The following HSD17B11 variants were observed in gnomAD, a reference collection of about 807,000 sequenced individuals.
HSD17B11 encodes hydroxysteroid 17-beta dehydrogenase 11.
A neutral mutation model predicts 27.8 loss-of-function variants in HSD17B11; 22 were observed. That is an observed-to-expected ratio of 0.79 (90% CI 0.56 to 1.13). The LOEUF is 1.13. Ranked by LOEUF, HSD17B11 falls within the 50% of genes most tolerant of loss-of-function variation. The pLI is 0.00. For missense variants in HSD17B11, 314 were observed against 351.1 expected (o/e 0.89, Z 0.84); for synonymous variants, 117 against 132.8 (o/e 0.88, Z 0.82).
intron 1 of HSD17B11, among the ~76,000 whole-genome samples, chr4:87,389,750 G>T (rs775867386): frequency 6.6e-6 from 1 of 152,044 alleles, no homozygotes; most frequent in South Asian, 2.1e-4. Flanking sequence ...TAATGTTTCA[G>T]GCCATCAGGT....
rs767346902 is a variant in HSD17B11, at chr4:87,357,296, G to A, written c.678C>T (p.Ile226=). The change falls in exon 5 of 7, where the codon ATC becomes ATT. Residue 226 remains isoleucine (I), a synonymous_variant. Transcript: ENST00000358290. ...LCPNFVNTGF[I]KNPSTSLGPT... ...CAACTTACCTTGTACTTGGATTTTTGATGAAGCCAGTGTTTACGAAATTAG... is the reference window on the plus strand; with the variant it reads ...CAACTTACCTTGTACTTGGATTTTTAATGAAGCCAGTGTTTACGAAATTAG... The A allele has an allele frequency of 7.4e-6, 12 of 1,611,170 alleles. No homozygotes were observed. In the Admixed American group the frequency reaches 2.0e-4, roughly 27 times the overall value.
intron 2 of HSD17B11, among the ~76,000 whole-genome samples, chr4:87,381,577 G>A (rs1720168827): frequency 6.6e-6 from 1 of 151,768 alleles, no homozygotes; most frequent in South Asian, 2.1e-4. Flanking sequence ...GGGCAACATG[G>A]TGAGACCCCG....
At chr4:87,378,955 TATA>T (rs1720049835) in intron 2 of HSD17B11, among the ~76,000 whole-genome samples, 1 of 29,536 alleles carries the variant, frequency 3.4e-5, no homozygotes, top group Non-Finnish European at 5.6e-5. Flanking sequence ...TATTTATATA[TATA>T]TATTTTTTTT....
chr4:87,364,689 A>G (rs1041242836), intron 4 of HSD17B11, among the ~76,000 whole-genome samples: 1 of 152,206 alleles, frequency 6.6e-6, no homozygotes, highest in Non-Finnish European at 1.5e-5. Flanking sequence ...AAAGCACTGC[A>G]TTGTCTTCTC....
At chr4:87,342,848 G>A (rs1735195200) in intron 5 of HSD17B11, among the ~76,000 whole-genome samples, 1 of 152,130 alleles carries the variant, frequency 6.6e-6, no homozygotes, top group Non-Finnish European at 1.5e-5. Context: ...TAATGAAATC[G>A]ATGGCTTTTG....
At chr4:87,377,490 G>A (rs1215229574) in intron 2 of HSD17B11, among the ~76,000 whole-genome samples, 2 of 152,004 alleles carry the variant, frequency 1.3e-5, no homozygotes, top group Non-Finnish European at 2.9e-5. Flanking sequence ...ACCATTACAG[G>A]TAATGTAACT....
chr4:87,382,081 T>G (rs867099643), intron 2 of HSD17B11, among the ~76,000 whole-genome samples, 174 bp downstream of exon 2: 3 of 152,204 alleles, frequency 2.0e-5, no homozygotes, highest in Non-Finnish European at 4.4e-5. Flanking sequence ...TACTAATATT[T>G]GAGAGGTTCA....
chr4:87,374,988 G>T (rs983392992), intron 2 of HSD17B11, among the ~76,000 whole-genome samples, 158 bp from the exon 3 acceptor site: 2 of 151,906 alleles, frequency 1.3e-5, no homozygotes, highest in African/African-American at 4.8e-5. Flanking sequence ...CCACCTCCCG[G>T]GTTCAAGAGA....
chr4:87,340,538 T>A lies in HSD17B11; in HGVS notation c.764A>T (p.Lys255Met). 6.2e-7 allele frequency: 1 copy of A among 1,611,160 alleles called. No homozygotes were observed. Among genetic ancestry groups the A allele is most frequent in the South Asian group, 1.1e-5 (1 of 90,348 alleles). ...RLMHGILTEQ[K>M]MIFIPSSIAF... The stretch of plus-strand genomic sequence containing the variant: ...TATAGAAGATGGAATAAAAATCATC[T>A]TCTGCTCAGTCAGAATCCCATGCAT... Residue 255 changes from lysine (K) to methionine (M), a missense_variant, in exon 6 of 7, where the codon AAG (lysine) becomes ATG (methionine). Lys to Met is a moderately conservative substitution (Grantham distance 95, BLOSUM62 -1). Coordinates refer to ENST00000358290, the MANE Select transcript of HSD17B11 (RefSeq NM_016245.5).
intron 6 of HSD17B11, among the ~76,000 whole-genome samples, chr4:87,338,785 C>G (rs1347762257): frequency 1.3e-5 from 2 of 152,190 alleles, no homozygotes; most frequent in Non-Finnish European, 2.9e-5. Context: ...AATCCTCCTG[C>G]CTCAGCCTCT....
intron 2 of HSD17B11, among the ~76,000 whole-genome samples, chr4:87,378,895 A>ATATATATAT (rs1720024843): frequency 1.2e-4 from 1 of 8,422 alleles, no homozygotes; most frequent in African/African-American, 9.2e-4. Context: ...TATATATATA[A>ATATATATAT]ATATATATAA....
chr4:87,346,493 T>C (rs1265181053), intron 5 of HSD17B11, among the ~76,000 whole-genome samples: 2 of 151,822 alleles, frequency 1.3e-5, no homozygotes, highest in African/African-American at 4.8e-5. Flanking sequence ...CTACTAAAAA[T>C]AGAAAAATTA....
chr4:87,374,500 GTTA>G, intron 3 of HSD17B11, 196 bp downstream of exon 3: 1 of 405,110 alleles, frequency 2.5e-6, no homozygotes, highest in South Asian at 3.5e-5. Flanking sequence ...ATTTATTATT[GTTA>G]TTATTAATGT....
intron 5 of HSD17B11, among the ~76,000 whole-genome samples, chr4:87,343,823 C>T (rs1307433441): frequency 6.6e-6 from 1 of 152,158 alleles, no homozygotes; most frequent in Non-Finnish European, 1.5e-5. Context: ...GCTGGGATTA[C>T]AGGCGTGAGC....
Position 87,379,393 on chromosome 4 carries a change from C to T in HSD17B11, c.318+2862G>A, listed in dbSNP as rs116917413. ...ACTCTGAACGCATTCTTGCTTGTAC[C>T]TAACTAACTACCTTAATGTCAACAA... is the stretch of plus-strand genomic sequence containing the variant. On this transcript the variant is annotated intron_variant, in intron 2 of 6. Coordinates refer to ENST00000358290, the MANE Select transcript of HSD17B11 (RefSeq NM_016245.5). 3.8e-3 allele frequency among the ~76,000 whole-genome samples: 571 copies of T among 149,856 alleles called. 15 individuals carry two copies. The highest frequency in any genetic ancestry group is 0.029 in the East Asian group (147 of 5,136).
At chr4:87,360,869 A>C (rs6853049) in intron 4 of HSD17B11, among the ~76,000 whole-genome samples, 79,707 of 152,042 alleles carry the variant, frequency 0.52, 21,193 homozygotes, top group Non-Finnish European at 0.58. Flanking sequence ...TATCCCACGC[A>C]GAAATAGAAA....
intron 1 of HSD17B11, among the ~76,000 whole-genome samples, chr4:87,389,371 C>G (rs10000196): frequency 0.12 from 17,779 of 152,096 alleles, 1,132 homozygotes; most frequent in East Asian, 0.23. Context: ...TACAAGTACA[C>G]GCCACCACGC....
Position 87,384,418 on chromosome 4 carries a change from C to T in HSD17B11, c.211-2056G>A, listed in dbSNP as rs867634149. Among the ~76,000 whole-genome samples the T allele has an allele frequency of 1.3e-4, 20 of 152,270 alleles. No individual in the cohort carries two copies. In the Middle Eastern group the frequency reaches 0.01, roughly 78 times the overall value. ...ATTTTTAGGGAACAAGGGAAGACAA[C>T]CATAAGGTCTGACTGCCTGTGGGGT... is the stretch of plus-strand genomic sequence containing the variant. On this transcript the variant is annotated intron_variant, in intron 1 of 6. Transcript: ENST00000358290.
At chr4:87,357,940 A>G (rs1451145849) in intron 4 of HSD17B11, among the ~76,000 whole-genome samples, 1 of 131,764 alleles carries the variant, frequency 7.6e-6, no homozygotes, top group Non-Finnish European at 1.7e-5. Flanking sequence ...CTGAACATTC[A>G]TTAGAGAAAT....
Sources: gnomAD v4.1 joint callset for allele counts (sites outside exome capture counted in the v4.1 genomes callset) on GRCh38, gnomAD v4.1.1 for gene constraint, MANE v1.5 for transcripts, NCBI Gene and HGNC (gene_info 2026-07-23, HGNC 2026-07-21) for gene names.